Variants in VAMP7 observed in about 807,000 individuals in gnomAD.
The protein encoded by VAMP7 is vesicle-associated membrane protein 7.
A neutral mutation model predicts 29.6 loss-of-function variants in VAMP7; 14 were observed. That is an observed-to-expected ratio of 0.47 (90% CI 0.31 to 0.74). VAMP7 has a LOEUF of 0.74. VAMP7 is among the 30% of genes least tolerant of loss of function. The probability of loss-of-function intolerance (pLI) is 0.05; values close to 1 mark genes in which losing one functional copy is unlikely to be tolerated. For missense variants in VAMP7, 223 were observed against 262.4 expected, an observed-to-expected ratio of 0.85 and a Z score of 1.04; for synonymous variants, 95 against 88.1, an observed-to-expected ratio of 1.08 and a Z score of -0.44.
At chrX:155,885,853 A>G (rs1435747795) in intron 1 of VAMP7, among the ~76,000 whole-genome samples, 1 of 152,196 alleles carries the variant, frequency 6.6e-6, no homozygotes, top group Admixed American at 6.5e-5. Context: ...CCCTGCCAAC[A>G]TCTTGATTTT....
intron 5 of VAMP7, among the ~76,000 whole-genome samples, chrX:155,910,446 AT>A (rs1428375223): frequency 6.6e-6 from 1 of 152,130 alleles, no homozygotes; most frequent in Non-Finnish European, 1.5e-5. Flanking sequence ...CTATACACTG[AT>A]TTCTTTTCCT....
intron 5 of VAMP7, among the ~76,000 whole-genome samples, chrX:155,915,632 A>G (rs752102080): frequency 6.6e-6 from 1 of 152,164 alleles, no homozygotes; most frequent in South Asian, 2.1e-4. Context: ...CCCAGTAGTC[A>G]TTCAGGAACA....
chrX:155,937,568 C>T (rs1292774840), intron 6 of VAMP7, among the ~76,000 whole-genome samples: 2 of 151,974 alleles, frequency 1.3e-5, no homozygotes, highest in African/African-American at 2.4e-5. Flanking sequence ...TACTTCAAGG[C>T]AGAAAAAAAT....
rs1257589949 is a variant in VAMP7, at chrX:155,881,425, C to G, written c.-33C>G. On this transcript the variant is annotated 5_prime_UTR_variant, in exon 1 of 8. Transcript: ENST00000286448. ...CGCGTCCCTCCGTCCCGAGCCCGCG[C>G]GCCCTCAGAGGGTGCCCGGACAGGT... 6.6e-6 allele frequency: 1 copy of G among 151,162 alleles called. No individual in the cohort carries two copies. The highest frequency in any genetic ancestry group is 1.5e-5 in the Non-Finnish European group (1 of 67,952). 9.4% of individuals were successfully genotyped at this position (151,162 alleles called of 1,614,324 possible).
At chrX:155,905,850 C>T (rs964409120) in intron 5 of VAMP7, among the ~76,000 whole-genome samples, 1 of 152,082 alleles carries the variant, frequency 6.6e-6, no homozygotes, top group African/African-American at 2.4e-5. Flanking sequence ...TATTCTTTCT[C>T]AAAATTGCTT....
chrX:155,930,549 C>T (rs745990891), intron 6 of VAMP7, among the ~76,000 whole-genome samples: 1 of 150,936 alleles, frequency 6.6e-6, no homozygotes, highest in African/African-American at 2.4e-5. Context: ...ACTTGGGGGG[C>T]TGAAGATGGA....
intron 4 of VAMP7, among the ~76,000 whole-genome samples, chrX:155,898,903 T>A (rs900974003): frequency 2.0e-5 from 3 of 152,134 alleles, no homozygotes; most frequent in African/African-American, 7.2e-5. Context: ...ATACAGTATG[T>A]ACTTTTTTGT....
intron 4 of VAMP7, among the ~76,000 whole-genome samples, chrX:155,899,676 CTG>C (rs2066034890): frequency 6.6e-6 from 1 of 151,946 alleles, no homozygotes; most frequent in South Asian, 2.1e-4. Context: ...CTGTGTAAAA[CTG>C]TGTAAAACAC....
intron 7 of VAMP7, among the ~76,000 whole-genome samples, chrX:155,940,759 A>C (rs2066732326): frequency 1.3e-5 from 2 of 152,276 alleles, no homozygotes; most frequent in South Asian, 4.2e-4. Flanking sequence ...TCAAGTTGGT[A>C]AACTTTACAT....
chrX:155,895,120 C>T (rs2065970828), intron 2 of VAMP7, among the ~76,000 whole-genome samples: 1 of 152,166 alleles, frequency 6.6e-6, no homozygotes. Flanking sequence ...TAATTCCTTA[C>T]ACTGTGATCC....
chrX:155,937,099 A>G (rs1053353343), intron 6 of VAMP7, among the ~76,000 whole-genome samples: 3 of 152,194 alleles, frequency 2.0e-5, no homozygotes, highest in African/African-American at 4.8e-5. Context: ...TTTTCACAGA[A>G]TAGAAAAAAA....
intron 6 of VAMP7, among the ~76,000 whole-genome samples, chrX:155,936,527 T>G (rs6642379): frequency 0.031 from 4,689 of 152,278 alleles, 259 homozygotes; most frequent in African/African-American, 0.11. Context: ...CCTGGTGTGC[T>G]GTTTGCTAAG....
In VAMP7 at chrX:155,941,907, C is replaced by T. The variant is rs150795669; in HGVS notation, c.619C>T (p.Pro207Ser). The stretch of plus-strand genomic sequence containing the variant: ...GGTGTTCATCTATATCATTGTTTCA[C>T]CTCTCTGTGGTGGATTTACATGGCC... ...SIVFIYIIVS[P>S]LCGGFTWPSC... is the part of the protein sequence containing the mutation. Residue 207 changes from proline (P) to serine (S), a missense_variant, in exon 8 of 8, where the codon CCT (proline) becomes TCT (serine). Physicochemically the swap from Pro to Ser is moderately conservative, Grantham distance 74. Coordinates refer to ENST00000286448, the MANE Select transcript of VAMP7 (RefSeq NM_005638.6). 42 of 1,613,538 alleles carry T rather than the reference C, an allele frequency of 2.6e-5. No individual in the cohort carries two copies. The highest frequency in any genetic ancestry group is 3.3e-5 in the Non-Finnish European group (39 of 1,179,764).
intron 1 of VAMP7, among the ~76,000 whole-genome samples, chrX:155,885,983 G>A (rs930349613): frequency 6.6e-6 from 1 of 152,194 alleles, no homozygotes; most frequent in Non-Finnish European, 1.5e-5. Flanking sequence ...CAGGAATAAA[G>A]TAGAATTGGG....
Position 155,900,512 on chromosome X carries a change from A to G in VAMP7, c.358A>G (p.Asn120Asp), listed in dbSNP as rs1333789051. 6.2e-7 allele frequency: 1 copy of G among 1,609,822 alleles called. No individual in the cohort carries two copies. The highest frequency in any genetic ancestry group is 1.1e-5 in the South Asian group (1 of 90,278). ...LAAQLKHHSE[N>D]KGLDKVMETQ... ...TTTCTTATAGAAGCATCACTCTGAG[A>G]ATAAGGGCCTAGACAAAGTGATGGA... Residue 120 changes from asparagine (N) to aspartate (D), a missense_variant, in exon 5 of 8, where the codon AAT becomes GAT. Physicochemically the swap from Asn to Asp is conservative, Grantham distance 23. Coordinates refer to ENST00000286448, the MANE Select transcript of VAMP7 (RefSeq NM_005638.6).
At chrX:155,934,572 T>C (rs767045423) in intron 6 of VAMP7, among the ~76,000 whole-genome samples, 1 of 152,298 alleles carries the variant, frequency 6.6e-6, no homozygotes, top group South Asian at 2.1e-4. Context: ...CCTGCATCCC[T>C]TTATTTTGAG....
At chrX:155,936,787 G>T (rs2066664924) in intron 6 of VAMP7, among the ~76,000 whole-genome samples, 1 of 152,196 alleles carries the variant, frequency 6.6e-6, no homozygotes, top group South Asian at 2.1e-4. Flanking sequence ...CACGCTGGGG[G>T]CTGTAGACTG....
intron 6 of VAMP7, among the ~76,000 whole-genome samples, chrX:155,927,640 T>A (rs2066489575): frequency 6.6e-6 from 1 of 152,010 alleles, no homozygotes; most frequent in Admixed American, 6.5e-5. Flanking sequence ...GAAGTTCTTT[T>A]ATTGTTTCTT....
At chrX:155,900,472 T>C (rs1602936384) in intron 4 of VAMP7, 25 bp from the exon 5 acceptor site, 1 of 1,565,230 alleles carries the variant, frequency 6.4e-7, no homozygotes, top group Non-Finnish European at 8.7e-7. Flanking sequence ...CTAGGTACCA[T>C]AAGTTAAAAC....
Sources: allele counts gnomAD v4.1 joint callset (sites outside exome capture counted in the v4.1 genomes callset), GRCh38; gene constraint gnomAD v4.1.1; transcripts MANE v1.5; gene names NCBI Gene and HGNC (gene_info 2026-07-23, HGNC 2026-07-21).